NLRC5: variants seen among roughly 807,000 people sequenced by gnomAD.
NLRC5 encodes the protein protein NLRC5.
Under a neutral mutation model 206.9 loss-of-function variants are expected in NLRC5, and 114 were observed. The ratio of observed to expected loss-of-function variants is 0.55; its 90% CI spans 0.47 to 0.64. NLRC5 has a LOEUF of 0.64. NLRC5 is among the 30% of genes least tolerant of loss of function. NLRC5 has a pLI of 0.00. For missense variants in NLRC5, 2,008 were observed against 2,305.5 expected (o/e 0.87, Z 2.64); for synonymous variants, 952 against 962.8 (o/e 0.99, Z 0.21).
intron 30 of NLRC5, among the ~76,000 whole-genome samples, chr16:57,061,200 C>A (rs199476002): frequency 6.6e-6 from 1 of 152,214 alleles, no homozygotes; most frequent in African/African-American, 2.4e-5. Context: ...CAGTGCCTGA[C>A]CTAGAGTCAG....
chr16:57,072,054 CAG>C (rs2067861443), intron 38 of NLRC5, among the ~76,000 whole-genome samples: 1 of 152,074 alleles, frequency 6.6e-6, no homozygotes, highest in Non-Finnish European at 1.5e-5. Context: ...CAATCCAAGA[CAG>C]AAATATATTG....
intron 19 of NLRC5, among the ~76,000 whole-genome samples, chr16:57,042,780 G>A (rs570532206): frequency 3.9e-5 from 6 of 152,270 alleles, no homozygotes; most frequent in East Asian, 3.9e-4. Context: ...AATTGCAGGC[G>A]TGGCCTCTGT....
chr16:57,067,369 C>T lies in NLRC5; in HGVS notation c.4323-18C>T. The T allele has an allele frequency of 1.2e-6, 2 of 1,612,032 alleles. No individual in the cohort carries two copies. Among genetic ancestry groups the T allele is most frequent in the South Asian group, 2.2e-5 (2 of 91,048 alleles). Reference sequence around the variant, plus strand: ...GGACTAGATGTTCCAAAACTGTCGTCTCCCTGTCTGTGTCCAGGTTGGCTC... The same window carrying T: ...GGACTAGATGTTCCAAAACTGTCGTTTCCCTGTCTGTGTCCAGGTTGGCTC... On this transcript the variant is annotated intron_variant, in intron 34 of 48. Coordinates refer to ENST00000688547, the MANE Select transcript of NLRC5 (RefSeq NM_001384950.1).
chr16:57,042,789 G>T (rs1458418804), intron 19 of NLRC5, among the ~76,000 whole-genome samples: 6 of 152,172 alleles, frequency 3.9e-5, no homozygotes, highest in Admixed American at 2.6e-4. Context: ...CGTGGCCTCT[G>T]TTGGTGGCTA....
intron 11 of NLRC5, 91 bp from the exon 12 acceptor site, chr16:57,033,513 G>T: frequency 2.4e-6 from 3 of 1,235,562 alleles, no homozygotes; most frequent in Non-Finnish European, 1.2e-6. Flanking sequence ...GTGCTTCAGG[G>T]TCTTCAGCCT....
At chr16:57,001,544 T>G (rs2058251802) in intron 1 of NLRC5, among the ~76,000 whole-genome samples, 1 of 152,334 alleles carries the variant, frequency 6.6e-6, no homozygotes, top group Admixed American at 6.5e-5. Context: ...GAAGAAGCGA[T>G]AGCAACGACA....
At chr16:57,029,892 C>T in intron 9 of NLRC5, 36 bp downstream of exon 9, 1 of 1,609,044 alleles carries the variant, frequency 6.2e-7, no homozygotes, top group South Asian at 1.1e-5. Context: ...CAGCCCAGTC[C>T]CTCTCTATAC....
chr16:57,039,702 C>A, intron 15 of NLRC5, 79 bp from the exon 16 acceptor site: 1 of 1,324,984 alleles, frequency 7.5e-7, no homozygotes. Flanking sequence ...GGGCAACAGA[C>A]TGAGACCTTC....
chr16:57,062,534 T>C (rs2144708967), intron 32 of NLRC5: 1 of 167,530 alleles, frequency 6.0e-6, no homozygotes, highest in Non-Finnish European at 1.3e-5. Flanking sequence ...CAGACTGTCC[T>C]GCTCCTGACT....
intron 32 of NLRC5, 44 bp from the exon 33 acceptor site, chr16:57,065,168 T>C: frequency 7.4e-7 from 1 of 1,360,324 alleles, no homozygotes; most frequent in East Asian, 2.7e-5. Flanking sequence ...GATTGTCTGC[T>C]GCTCACCTTG....
intron 1 of NLRC5, among the ~76,000 whole-genome samples, chr16:57,003,685 G>C (rs1367283114): frequency 2.0e-5 from 3 of 151,570 alleles, no homozygotes; most frequent in Non-Finnish European, 4.4e-5. Flanking sequence ...CTATCATCAC[G>C]CTCCAGTTCT....
chr16:57,006,888 C>CATTATTATTATTATTATTATT lies in NLRC5; in HGVS notation c.-127-10176_-127-10156dup, dbSNP rs9302685. ...AGACAGGGTCACAAAACCGTTAACA[C>CATTATTATTATTATTATTATT]ATTATTATTATTATTATTATTATTA... On this transcript the variant is annotated intron_variant, in intron 1 of 48. Coordinates refer to ENST00000688547, the MANE Select transcript of NLRC5 (RefSeq NM_001384950.1). Among the ~76,000 whole-genome samples, 351 of 144,042 alleles carry CATTATTATTATTATTATTATT rather than the reference C, an allele frequency of 2.4e-3. 2 individuals carry two copies. The highest frequency in any genetic ancestry group is 0.011 in the Middle Eastern group (3 of 274). 94.5% of individuals were successfully genotyped at this position (144,042 alleles called of 152,430 possible).
At chr16:57,080,051 C>T (rs1302973376) in intron 46 of NLRC5, among the ~76,000 whole-genome samples, 1 of 152,120 alleles carries the variant, frequency 6.6e-6, no homozygotes, top group Admixed American at 6.5e-5. Flanking sequence ...GCTGGCTGGC[C>T]GTGCTTGGCT....
chr16:56,993,128 TATATAC>T lies in NLRC5; in HGVS notation c.-128+3513_-128+3518del, dbSNP rs748255736. Among the ~76,000 whole-genome samples, 100 of 147,110 alleles carry T rather than the reference TATATAC, an allele frequency of 6.8e-4. No homozygotes were observed. The South Asian group carries it at 0.014, about 21-fold the overall frequency. ...ATATACACGTATATATGTGTATATA[TATATAC>T]ACACACACACACACACACATATACA... On this transcript the variant is annotated intron_variant, in intron 1 of 48. Coordinates refer to ENST00000688547, the MANE Select transcript of NLRC5 (RefSeq NM_001384950.1).
At chr16:57,063,896 G>A (rs1597414384) in intron 32 of NLRC5, among the ~76,000 whole-genome samples, 1 of 151,774 alleles carries the variant, frequency 6.6e-6, no homozygotes, top group South Asian at 2.1e-4. Flanking sequence ...CCGCCACCAC[G>A]CCTGACTAAT....
chr16:57,078,081 T>TA, intron 43 of NLRC5, 61 bp downstream of exon 43: 1 of 1,337,562 alleles, frequency 7.5e-7, no homozygotes, highest in Non-Finnish European at 1.0e-6. Context: ...TCGGGAGCAG[T>TA]GGGGGGGTCC....
chr16:57,030,778 G>T (rs974135458), intron 10 of NLRC5, among the ~76,000 whole-genome samples: 1 of 152,176 alleles, frequency 6.6e-6, no homozygotes, highest in Non-Finnish European at 1.5e-5. Context: ...CATGGGGTAG[G>T]TTAGGTGTCA....
chr16:56,999,058 C>T (rs551546417), intron 1 of NLRC5, among the ~76,000 whole-genome samples: 3 of 152,332 alleles, frequency 2.0e-5, no homozygotes, highest in East Asian at 3.9e-4. Flanking sequence ...AGCCCTTTTC[C>T]GGGTTGCCGA....
At chr16:57,004,988 T>G (rs572111886) in intron 1 of NLRC5, among the ~76,000 whole-genome samples, 3 of 152,270 alleles carry the variant, frequency 2.0e-5, no homozygotes, top group African/African-American at 7.2e-5. Flanking sequence ...CGTGTCTGGA[T>G]TCCCCTTACT....
Sources: allele counts gnomAD v4.1 joint callset (sites outside exome capture counted in the v4.1 genomes callset), GRCh38; gene constraint gnomAD v4.1.1; transcripts MANE v1.5; gene names NCBI Gene and HGNC (gene_info 2026-07-23, HGNC 2026-07-21).